The following RIMS3 variants were observed in gnomAD, a reference collection of about 807,000 sequenced individuals.
RIMS3 encodes regulating synaptic membrane exocytosis 3.
RIMS3 carries 15 observed loss-of-function variants against 29.2 expected under a neutral mutation model. That is an observed-to-expected ratio of 0.51 (90% CI 0.34 to 0.79). The LOEUF (loss-of-function observed/expected upper bound fraction) is 0.79. Among genes scored for constraint, RIMS3 ranks in the 30% least tolerant of loss-of-function variants. The pLI is 0.01. For missense variants in RIMS3, 342 were observed against 421.4 expected, an observed-to-expected ratio of 0.81 and a Z score of 1.65; for synonymous variants, 161 against 170.1, an observed-to-expected ratio of 0.95 and a Z score of 0.41.
intron 3 of RIMS3, 142 bp downstream of exon 3, chr1:40,641,567 G>T (rs7535398): frequency 2.6e-6 from 2 of 764,256 alleles, no homozygotes; most frequent in East Asian, 5.4e-5. Flanking sequence ...ACTGGACCTA[G>T]AACAGCACCT....
intron 2 of RIMS3, among the ~76,000 whole-genome samples, chr1:40,645,095 G>A (rs376186559): frequency 1.3e-5 from 2 of 152,166 alleles, no homozygotes; most frequent in East Asian, 1.9e-4. Context: ...GCCCTGTGAC[G>A]TGTGCAGAGT....
the RIMS3 span, chr1:40,691,470 G>T: frequency 3.4e-6 from 1 of 297,444 alleles, no homozygotes; most frequent in Non-Finnish European, 6.6e-6. Flanking sequence ...GATAGGCAGG[G>T]TGGTGGAGGT....
rs1241100260 is a variant in RIMS3, at chr1:40,651,393, G to C, written c.-206-3551C>G. Reference sequence around the variant, plus strand: ...CACCTGTCACCAGAAGCCAGGGGAGGGGCACGGAACAGATTTTCCCTCACA... The same window carrying C: ...CACCTGTCACCAGAAGCCAGGGGAGCGGCACGGAACAGATTTTCCCTCACA... On this transcript the variant is annotated intron_variant, in intron 1 of 7. Coordinates refer to ENST00000372684, the MANE Select transcript of RIMS3 (RefSeq NM_014747.3). Among the ~76,000 whole-genome samples, 5 of 152,194 alleles carry C rather than the reference G, an allele frequency of 3.3e-5. No homozygotes were observed. In the East Asian group the frequency reaches 9.6e-4, roughly 29 times the overall value.
intron 2 of RIMS3, among the ~76,000 whole-genome samples, chr1:40,647,305 G>A (rs1214677535): frequency 2.0e-5 from 3 of 152,042 alleles, no homozygotes; most frequent in African/African-American, 7.3e-5. Flanking sequence ...GGAAGGGACT[G>A]CAAATAACTG....
intron 1 of RIMS3, among the ~76,000 whole-genome samples, chr1:40,664,518 C>T (rs1293655840): frequency 1.3e-5 from 2 of 152,194 alleles, no homozygotes; most frequent in Non-Finnish European, 2.9e-5. Context: ...GATAACACCC[C>T]TGGGGCTAGG....
the RIMS3 span, among the ~76,000 whole-genome samples, chr1:40,689,822 C>T: frequency 6.6e-6 from 1 of 152,176 alleles, no homozygotes; most frequent in Non-Finnish European, 1.5e-5. Flanking sequence ...TACTCTAGTA[C>T]TACCTGGTAA....
chr1:40,674,102 A>G, the RIMS3 span, among the ~76,000 whole-genome samples: 1 of 152,204 alleles, frequency 6.6e-6, no homozygotes, highest in Non-Finnish European at 1.5e-5. Context: ...TAAAGTGCTC[A>G]TGTTTTCTAA....
chr1:40,660,218 G>A (rs1642331585), intron 1 of RIMS3, among the ~76,000 whole-genome samples: 3 of 152,088 alleles, frequency 2.0e-5, no homozygotes, highest in African/African-American at 7.2e-5. Flanking sequence ...AGCTTGACCA[G>A]GTGGGAGGAC....
At chr1:40,651,419 G>A (rs1325964552) in intron 1 of RIMS3, among the ~76,000 whole-genome samples, 1 of 152,186 alleles carries the variant, frequency 6.6e-6, no homozygotes, top group Non-Finnish European at 1.5e-5. Flanking sequence ...TTCCCTCACA[G>A]CACACAGAAG....
the RIMS3 span, among the ~76,000 whole-genome samples, chr1:40,678,032 C>T: frequency 6.6e-6 from 1 of 152,178 alleles, no homozygotes; most frequent in South Asian, 2.1e-4. Context: ...ACACTGTTTT[C>T]TTGTTTTTCT....
upstream of RIMS3, chr1:40,669,393 A>G (rs1224952747): frequency 6.6e-6 from 1 of 152,226 alleles, no homozygotes. Flanking sequence ...AACCTTTGGG[A>G]AAATTCAATA....
At position 40,647,717 on chromosome 1, in the gene RIMS3, C is replaced by T. The variant is rs1646604883; in HGVS notation, c.-81G>A. On this transcript the variant is annotated 5_prime_UTR_variant, in exon 2 of 8. Transcript: ENST00000372684. The stretch of plus-strand genomic sequence containing the variant: ...GTTCCGCATCACAGGGGGCTGCCTC[C>T]CAACAGCACACCCCTAGGGCATTTG... 1 of 152,172 alleles carries T rather than the reference C, an allele frequency of 6.6e-6. No individual in the cohort carries two copies. 9.4% of individuals were successfully genotyped at this position (152,172 alleles called of 1,614,324 possible).
chr1:40,652,813 G>C (rs1312882133), intron 1 of RIMS3, among the ~76,000 whole-genome samples: 7 of 152,230 alleles, frequency 4.6e-5, no homozygotes, highest in African/African-American at 1.7e-4. Context: ...GAATCAGAAA[G>C]AAGCCTGACA....
At chr1:40,627,471 A>G (rs981174774) in intron 7 of RIMS3, among the ~76,000 whole-genome samples, 4 of 151,788 alleles carry the variant, frequency 2.6e-5, no homozygotes, top group African/African-American at 9.7e-5. Flanking sequence ...CTCGTGATCT[A>G]CCCGCCTCGG....
Position 40,641,718 on chromosome 1 carries a change from G to A in RIMS3, c.208C>T (p.Pro70Ser), listed in dbSNP as rs1431071442. Reference sequence around the variant, plus strand: ...TCCCATGCCCCCTCACCAGGCTGCGGAAGCTGGAGTGTGCTCTTGCTCCAC... The same window carrying A: ...TCCCATGCCCCCTCACCAGGCTGCGAAAGCTGGAGTGTGCTCTTGCTCCAC... ...TQWSKSTLQLPQPEGATKKLR... is the reference protein window; with the variant it reads ...TQWSKSTLQLSQPEGATKKLR... The change falls in exon 3 of 8, where the codon CCG becomes TCG. Residue 70 changes from proline to serine, a missense_variant. Coordinates refer to ENST00000372684, the MANE Select transcript of RIMS3 (RefSeq NM_014747.3). 1 of 1,613,952 alleles carries A rather than the reference G, an allele frequency of 6.2e-7. No homozygotes were observed. Among genetic ancestry groups the A allele is most frequent in the Non-Finnish European group, 8.5e-7 (1 of 1,179,838 alleles).
upstream of RIMS3, among the ~76,000 whole-genome samples, chr1:40,670,574 T>TTTTATATATATATATATATATATA (rs1453530876): frequency 1.4e-5 from 1 of 71,208 alleles, no homozygotes; most frequent in Non-Finnish European, 2.4e-5. Flanking sequence ...AGTTATAATT[T>TTTTATATATATATATATATATATA]TATATATATA....
chr1:40,679,759 G>A, the RIMS3 span, among the ~76,000 whole-genome samples: 11 of 152,088 alleles, frequency 7.2e-5, no homozygotes, highest in African/African-American at 2.4e-4. Context: ...CTGGGAAGGC[G>A]GGCACATGGA....
rs1315212609 is a variant in RIMS3, at chr1:40,654,488, C to G, written c.-206-6646G>C. Among the ~76,000 whole-genome samples the G allele has an allele frequency of 6.6e-6, 1 of 152,160 alleles. No individual in the cohort carries two copies. Among genetic ancestry groups the G allele is most frequent in the African/African-American group, 2.4e-5 (1 of 41,430 alleles). The stretch of plus-strand genomic sequence containing the variant: ...CGCTGTACAAAGAAGATGACGTACA[C>G]AAAACAACAGGCACACACCACACCC... On this transcript the variant is annotated intron_variant, in intron 1 of 7. Coordinates refer to ENST00000372684, the MANE Select transcript of RIMS3 (RefSeq NM_014747.3). The surrounding 1 kb of genome is among the most constrained non-coding windows in gnomAD (Gnocchi z 5.3).
At chr1:40,637,823 C>T (rs1646530672) in intron 3 of RIMS3, among the ~76,000 whole-genome samples, 1 of 152,170 alleles carries the variant, frequency 6.6e-6, no homozygotes, top group African/African-American at 2.4e-5. Flanking sequence ...CACACAGAGG[C>T]CTGGGTAAAA....
Sources: allele counts gnomAD v4.1 joint callset (sites outside exome capture counted in the v4.1 genomes callset), GRCh38; gene constraint gnomAD v4.1.1; non-coding constraint Gnocchi (gnomAD v3.1); transcripts MANE v1.5; gene names NCBI Gene and HGNC (gene_info 2026-07-23, HGNC 2026-07-21).